Variants in NDRG4 observed in about 807,000 individuals in gnomAD.
NDRG4 encodes the protein protein NDRG4.
Under a neutral mutation model 55.8 loss-of-function variants are expected in NDRG4, and 38 were observed. The ratio of observed to expected loss-of-function variants is 0.68; its 90% confidence interval spans 0.53 to 0.89. The LOEUF (loss-of-function observed/expected upper bound fraction) is 0.89. NDRG4 is among the 40% of genes least tolerant of loss of function. The pLI is 0.00. For missense variants in NDRG4, 455 were observed against 468.6 expected (o/e 0.97, Z 0.27); for synonymous variants, 190 against 182.7 (o/e 1.04, Z -0.32).
rs760996421 is a variant in NDRG4, at chr16:58,483,638, C to T, written c.-23-4118C>T. 3.9e-5 allele frequency among the ~76,000 whole-genome samples: 6 copies of T among 152,312 alleles called. No individual in the cohort carries two copies. In the South Asian group the frequency reaches 6.2e-4, roughly 16 times the overall value. ...CCTCTGCGTGCAGCTATGAATCTATCCTCTAACAGAAACAAGAGGAAAAAC... is the reference window on the plus strand; with the variant it reads ...CCTCTGCGTGCAGCTATGAATCTATTCTCTAACAGAAACAAGAGGAAAAAC... On this transcript the variant is annotated intron_variant, in intron 1 of 15. Transcript: ENST00000258187.
downstream of NDRG4, among the ~76,000 whole-genome samples, chr16:58,514,610 CG>C (rs1158537518): frequency 2.0e-5 from 3 of 151,948 alleles, no homozygotes; most frequent in African/African-American, 7.3e-5. Flanking sequence ...GGCATGGCAG[CG>C]TACGCCTGTA....
rs983146476 is a variant in NDRG4, at chr16:58,508,822, A to C, written c.730-140A>C. The C allele has an allele frequency of 2.9e-5, 25 of 848,606 alleles. No homozygotes were observed. In the African/African-American group the frequency reaches 3.9e-4, roughly 13 times the overall value. 52.6% of individuals were successfully genotyped at this position (848,606 alleles called of 1,614,324 possible). The stretch of plus-strand genomic sequence containing the variant: ...CCCTGGGAGAAGAAAGCCTGGGAGG[A>C]GCAGCCTGTCACAGCTGCTGGGCCT... On this transcript the variant is annotated intron_variant, in intron 10 of 14. Coordinates refer to ENST00000570248, the MANE Select transcript of NDRG4 (RefSeq NM_001242835.2).
At chr16:58,493,939 AGAGTGTCTGTGG>A (rs2036087420) in intron 2 of NDRG4, among the ~76,000 whole-genome samples, 1 of 152,130 alleles carries the variant, frequency 6.6e-6, no homozygotes, top group Non-Finnish European at 1.5e-5. Flanking sequence ...AGGCCCCCGC[AGAGTGTCTGTGG>A]GCCCCTCGGC....
chr16:58,510,172 G>A (rs988341174), intron 13 of NDRG4, among the ~76,000 whole-genome samples: 1 of 152,244 alleles, frequency 6.6e-6, no homozygotes, highest in African/African-American at 2.4e-5. Flanking sequence ...GCTCTCTGGA[G>A]CAGGGCAGAG....
intron 1 of NDRG4, among the ~76,000 whole-genome samples, chr16:58,481,467 T>TGCGC (rs1392220601): frequency 6.6e-6 from 1 of 152,008 alleles, no homozygotes; most frequent in African/African-American, 2.4e-5. Context: ...CGTGTGTGTG[T>TGCGC]GCGCGCGCAT....
intron 1 of NDRG4, among the ~76,000 whole-genome samples, chr16:58,478,662 G>A (rs2034007341): frequency 6.7e-6 from 1 of 149,846 alleles, no homozygotes; most frequent in Admixed American, 6.7e-5. Flanking sequence ...AGGGTATGTG[G>A]GAAATGTCTG....
intron 1 of NDRG4, among the ~76,000 whole-genome samples, chr16:58,467,316 G>C (rs1163107398): frequency 6.6e-6 from 1 of 152,176 alleles, no homozygotes; most frequent in Non-Finnish European, 1.5e-5. Context: ...AGACCAGCCT[G>C]GCCAACGTGG....
chr16:58,463,757 C>T (rs944964931), exon 1 of NDRG4: 3 of 150,872 alleles, frequency 2.0e-5, no homozygotes, highest in Admixed American at 2.0e-4. Context: ...CGCCGAAGCC[C>T]CGCTCCCCGC....
chr16:58,464,702 G>A lies in NDRG4; in HGVS notation c.-24+905G>A. The A allele has an allele frequency of 8.4e-7, 1 of 1,191,746 alleles. No homozygotes were observed. The highest frequency in any genetic ancestry group is 1.1e-6 in the Non-Finnish European group (1 of 937,942). The allele number at this position is 1,191,746 out of a possible 1,614,324, so 73.8% of individuals were successfully genotyped here. A position where few individuals can be genotyped will look rare whatever the true frequency, so the allele number is the denominator to read the frequency against. ...GCTGCGGGAGCACCGGTCAGGGGGT[G>A]GCCCCATGGGGTCTCTGACCAGCGG... On this transcript the variant is annotated intron_variant, in intron 1 of 15. Transcript: ENST00000258187. The surrounding 1 kb of genome is among the most constrained non-coding windows in gnomAD (Gnocchi z 4.8).
At chr16:58,468,508 G>A (rs1401965708) in intron 1 of NDRG4, among the ~76,000 whole-genome samples, 1 of 152,228 alleles carries the variant, frequency 6.6e-6, no homozygotes, top group Non-Finnish European at 1.5e-5. Context: ...ATCACCTGAG[G>A]TCAGGAGTTC....
In NDRG4 at chr16:58,464,161, C is replaced by G; in HGVS notation, c.-24+364C>G. 1 of 369,104 alleles carries G rather than the reference C, an allele frequency of 2.7e-6. No individual in the cohort carries two copies. Among genetic ancestry groups the G allele is most frequent in the Non-Finnish European group, 4.8e-6 (1 of 207,730 alleles). The allele number at this position is 369,104 out of a possible 1,614,324, so 22.9% of individuals were successfully genotyped here. ...ACCGCACCCACCCCGCGCCCTTCCT[C>G]CGCCTCCTGGAGTTCACCGGGACCA... On this transcript the variant is annotated intron_variant, in intron 1 of 15. Transcript: ENST00000258187. The surrounding 1 kb of genome is among the most constrained non-coding windows in gnomAD (Gnocchi z 4.8).
chr16:58,492,433 C>G (rs1258931950), intron 2 of NDRG4, among the ~76,000 whole-genome samples: 2 of 152,010 alleles, frequency 1.3e-5, no homozygotes, highest in African/African-American at 2.4e-5. Context: ...CCCTTCATCT[C>G]CTGGGGCCCC....
At chr16:58,485,259 C>G (rs1478882165) in intron 1 of NDRG4, among the ~76,000 whole-genome samples, 1 of 152,136 alleles carries the variant, frequency 6.6e-6, no homozygotes, top group Non-Finnish European at 1.5e-5. Context: ...TTGTGGAGCC[C>G]CACAACTCCA....
Position 58,487,956 on chromosome 16 carries a change from C to T in NDRG4, c.72+106C>T, listed in dbSNP as rs534986208. 30 of 830,316 alleles carry T rather than the reference C, an allele frequency of 3.6e-5. No individual in the cohort carries two copies. The East Asian group carries it at 7.9e-4, about 22-fold the overall frequency. 51.4% of individuals were successfully genotyped at this position (830,316 alleles called of 1,614,324 possible). On this transcript the variant is annotated intron_variant, in intron 2 of 15. Coordinates refer to the NDRG4 transcript ENST00000258187. ...GCAGCCGACCCTCCCTAGGGCCAGC[C>T]ACACCGAGAAGCCCTGTCCCTGCCT... is the stretch of plus-strand genomic sequence containing the variant.
Position 58,501,113 on chromosome 16 carries a change from CA to C in NDRG4, c.21+845del, listed in dbSNP as rs1048786228. 4 of 1,204,398 alleles carry C rather than the reference CA, an allele frequency of 3.3e-6. No individual in the cohort carries two copies. In the African/African-American group the frequency reaches 6.3e-5, roughly 19 times the overall value. 74.6% of individuals were successfully genotyped at this position (1,204,398 alleles called of 1,614,324 possible). Reference sequence around the variant, plus strand: ...CCCATTCTTCCTCAGGAGGGAGAGGCAGGGGCAGACTCACCCCCACCCCCGG... The same window carrying C: ...CCCATTCTTCCTCAGGAGGGAGAGGCGGGGCAGACTCACCCCCACCCCCGG... On this transcript the variant is annotated intron_variant, in intron 1 of 14. Transcript: ENST00000570248.
intron 14 of NDRG4, 59 bp from the exon 15 acceptor site, chr16:58,511,363 C>T (rs1048915325): frequency 2.6e-6 from 4 of 1,521,390 alleles, no homozygotes; most frequent in Admixed American, 2.0e-5. Context: ...CTACTTTTCC[C>T]ACCAGAGGCA....
chr16:58,491,101 AC>A (rs912905616), intron 2 of NDRG4, among the ~76,000 whole-genome samples: 2 of 151,622 alleles, frequency 1.3e-5, no homozygotes, highest in Non-Finnish European at 2.9e-5. Flanking sequence ...ACATGGTGAA[AC>A]CCTGTCTCTA....
At chr16:58,497,895 CA>C (rs569871034), upstream of NDRG4, among the ~76,000 whole-genome samples, 4 of 152,174 alleles carry the variant, frequency 2.6e-5, no homozygotes, top group East Asian at 7.7e-4. Flanking sequence ...ATTCTCACAG[CA>C]GCTTGGTGAG....
At chr16:58,490,585 G>A (rs148436203) in intron 2 of NDRG4, among the ~76,000 whole-genome samples, 2 of 152,304 alleles carry the variant, frequency 1.3e-5, no homozygotes, top group South Asian at 2.1e-4. Flanking sequence ...GAGGGTCTCC[G>A]TTTCAGATCC....
Sources: gnomAD v4.1 joint callset for allele counts (sites outside exome capture counted in the v4.1 genomes callset) on GRCh38, gnomAD v4.1.1 for gene constraint, Gnocchi (gnomAD v3.1) non-coding constraint, MANE v1.5 for transcripts, NCBI Gene and HGNC (gene_info 2026-07-23, HGNC 2026-07-21) for gene names.